The following DIAPH3 variants were observed in gnomAD, a reference collection of about 807,000 sequenced individuals.
The protein encoded by DIAPH3 is diaphanous related formin 3, also known as protein diaphanous homolog 3.
A neutral mutation model predicts 144.3 loss-of-function variants in DIAPH3; 117 were observed. The observed-to-expected ratio is 0.81, with a 90% CI of 0.70 to 0.95. The LOEUF (loss-of-function observed/expected upper bound fraction) is 0.95. DIAPH3 is among the 40% of genes least tolerant of loss of function. The pLI, the probability that DIAPH3 is intolerant of heterozygous loss-of-function variation, is 0.00. For synonymous variants in DIAPH3, 519 were observed against 488.9 expected, an observed-to-expected ratio of 1.06 and a Z score of -0.81; for missense variants, 1,421 against 1,412.7, an observed-to-expected ratio of 1.01 and a Z score of -0.09.
intron 27 of DIAPH3, among the ~76,000 whole-genome samples, chr13:59,736,755 A>G (rs926549235): frequency 1.2e-4 from 18 of 152,206 alleles, no homozygotes; most frequent in African/African-American, 4.3e-4. Context: ...GCCAACTTCA[A>G]ACTATACAAC....
At chr13:59,679,988 A>AATT (rs2032855662) in intron 27 of DIAPH3, among the ~76,000 whole-genome samples, 1 of 152,212 alleles carries the variant, frequency 6.6e-6, no homozygotes, top group Admixed American at 6.5e-5. Context: ...TAGTAAATGT[A>AATT]GCATCTGTTA....
chr13:59,922,035 T>G (rs1019313918), intron 18 of DIAPH3, among the ~76,000 whole-genome samples: 1 of 151,994 alleles, frequency 6.6e-6, no homozygotes, highest in Non-Finnish European at 1.5e-5. Context: ...ACAAATTAGG[T>G]ATAGAAGAAA....
At chr13:59,743,085 C>G (rs754563624) in intron 27 of DIAPH3, among the ~76,000 whole-genome samples, 12 of 151,966 alleles carry the variant, frequency 7.9e-5, no homozygotes, top group Non-Finnish European at 1.5e-4. Flanking sequence ...GAGGCACAAA[C>G]AAAATCATGT....
intron 17 of DIAPH3, among the ~76,000 whole-genome samples, chr13:59,954,123 T>C (rs2049250518): frequency 6.6e-6 from 1 of 152,186 alleles, no homozygotes; most frequent in Non-Finnish European, 1.5e-5. Flanking sequence ...CTAATGTCTG[T>C]GAACAGGATA....
intron 25 of DIAPH3, among the ~76,000 whole-genome samples, chr13:59,797,005 T>A (rs1394551809): frequency 6.6e-6 from 1 of 152,196 alleles, no homozygotes; most frequent in African/African-American, 2.4e-5. Flanking sequence ...ACTTAGCTAC[T>A]GGTGGAGCAG....
chr13:60,067,469 C>CT (rs759353609), intron 4 of DIAPH3, among the ~76,000 whole-genome samples: 11 of 151,948 alleles, frequency 7.2e-5, no homozygotes, highest in Non-Finnish European at 1.5e-4. Context: ...CCAGATACAG[C>CT]CATGGATATA....
chr13:59,977,371 G>T (rs1429216923), intron 14 of DIAPH3, among the ~76,000 whole-genome samples: 1 of 151,798 alleles, frequency 6.6e-6, no homozygotes, highest in African/African-American at 2.4e-5. Flanking sequence ...AGAGGTATGA[G>T]AACAAACTGA....
chr13:60,156,772 G>C (rs569995396), intron 1 of DIAPH3, among the ~76,000 whole-genome samples: 1 of 151,124 alleles, frequency 6.6e-6, no homozygotes, highest in African/African-American at 2.4e-5. Context: ...CCCTAACAAT[G>C]CTTTCTTTCT....
intron 25 of DIAPH3, among the ~76,000 whole-genome samples, chr13:59,805,015 G>C (rs1004601425): frequency 6.6e-6 from 1 of 152,002 alleles, no homozygotes; most frequent in African/African-American, 2.4e-5. Context: ...TTGGCCATGT[G>C]GGTAAACAAC....
intron 20 of DIAPH3, among the ~76,000 whole-genome samples, chr13:59,895,299 G>C (rs1286307159): frequency 6.6e-6 from 1 of 151,806 alleles, no homozygotes; most frequent in Non-Finnish European, 1.5e-5. Context: ...TGGCTATTCG[G>C]TATCCGCTCT....
chr13:59,729,803 C>T (rs1455458149), intron 27 of DIAPH3, among the ~76,000 whole-genome samples: 2 of 76,156 alleles, frequency 2.6e-5, no homozygotes, highest in Non-Finnish European at 4.9e-5. Context: ...CCGGTGAATA[C>T]ATTAATATTT....
intron 21 of DIAPH3, among the ~76,000 whole-genome samples, chr13:59,875,491 GGAGAGGGGAA>G (rs2044561317): frequency 6.6e-6 from 1 of 151,804 alleles, no homozygotes; most frequent in Non-Finnish European, 1.5e-5. Flanking sequence ...ATATTTTGGG[GGAGAGGGGAA>G]GAGAGGAGGA....
chr13:59,739,863 A>G (rs1437577477), intron 27 of DIAPH3, among the ~76,000 whole-genome samples: 1 of 151,912 alleles, frequency 6.6e-6, no homozygotes, highest in African/African-American at 2.4e-5. Flanking sequence ...ATATATTCAG[A>G]AAAAAAAGTT....
At chr13:59,777,428 A>G (rs2038478008) in intron 25 of DIAPH3, among the ~76,000 whole-genome samples, 1 of 152,190 alleles carries the variant, frequency 6.6e-6, no homozygotes, top group Admixed American at 6.5e-5. Flanking sequence ...TAGATGTCAA[A>G]GATATGAGGG....
At chr13:59,904,380 T>C (rs1161819889) in intron 20 of DIAPH3, among the ~76,000 whole-genome samples, 7 of 152,232 alleles carry the variant, frequency 4.6e-5, no homozygotes, top group African/African-American at 1.7e-4. Context: ...AATCAACTGC[T>C]GTACTTTAAA....
At chr13:60,106,420 C>A (rs2058423444) in intron 3 of DIAPH3, among the ~76,000 whole-genome samples, 1 of 151,982 alleles carries the variant, frequency 6.6e-6, no homozygotes, top group African/African-American at 2.4e-5. Context: ...ATATATATTT[C>A]TAATAATTTT....
At position 59,913,667 on chromosome 13, in the gene DIAPH3, C is replaced by T. The variant is rs1302211025; in HGVS notation, c.2266-1831G>A. On this transcript the variant is annotated intron_variant, in intron 19 of 27. Coordinates refer to ENST00000400324, the MANE Select transcript of DIAPH3 (RefSeq NM_001042517.2). Reference sequence around the variant, plus strand: ...AAGGTCAAGTCTAATTCTTATTGAGCCTAATATACAGCCGGGCATGGTGGC... The same window carrying T: ...AAGGTCAAGTCTAATTCTTATTGAGTCTAATATACAGCCGGGCATGGTGGC... Among the ~76,000 whole-genome samples the T allele has an allele frequency of 2.0e-5, 3 of 152,074 alleles. No individual in the cohort carries two copies. The East Asian group carries it at 5.8e-4, about 29-fold the overall frequency.
intron 1 of DIAPH3, among the ~76,000 whole-genome samples, chr13:60,156,700 G>A (rs1342255673): frequency 2.6e-5 from 4 of 151,584 alleles, no homozygotes; most frequent in Non-Finnish European, 1.5e-5. Flanking sequence ...TGCATTTCTG[G>A]CTCCCCAGGT....
chr13:59,852,097 A>G (rs998475378), intron 22 of DIAPH3, among the ~76,000 whole-genome samples: 2 of 152,174 alleles, frequency 1.3e-5, no homozygotes, highest in Admixed American at 6.5e-5. Context: ...AATTAACACT[A>G]GCTCTTTTTT....
Sources: allele counts gnomAD v4.1 joint callset (sites outside exome capture counted in the v4.1 genomes callset), GRCh38; gene constraint gnomAD v4.1.1; transcripts MANE v1.5; gene names NCBI Gene and HGNC (gene_info 2026-07-23, HGNC 2026-07-21).